The following KLF7 variants were observed in gnomAD, a reference collection of about 807,000 sequenced individuals.
KLF7 encodes KLF transcription factor 7, also known as Krueppel-like factor 7.
A neutral mutation model predicts 27.3 loss-of-function variants in KLF7; 2 were observed. The observed-to-expected ratio is 0.07, with a 90% confidence interval of 0.03 to 0.23. KLF7 has a LOEUF of 0.23. KLF7 is among the 10% of genes least tolerant of loss of function. The pLI, the probability that KLF7 is intolerant of heterozygous loss-of-function variation, is 1.00. For missense variants in KLF7, 221 were observed against 394.1 expected (o/e 0.56, Z 3.72); for synonymous variants, 165 against 162.4 (o/e 1.02, Z -0.12).
intron 1 of KLF7, among the ~76,000 whole-genome samples, chr2:207,158,801 A>C (rs2078460411): frequency 1.3e-5 from 2 of 152,314 alleles, no homozygotes; most frequent in South Asian, 4.1e-4. Flanking sequence ...GTAGTCTTAA[A>C]AGTAAAAAGG....
intron 2 of KLF7, among the ~76,000 whole-genome samples, chr2:207,104,195 T>C (rs1481102825): frequency 1.3e-5 from 2 of 152,206 alleles, no homozygotes; most frequent in Admixed American, 1.3e-4. Flanking sequence ...ATGGTGCATA[T>C]CTTACTACAT....
At chr2:207,106,957 T>G (rs555091797) in intron 2 of KLF7, among the ~76,000 whole-genome samples, 8 of 152,254 alleles carry the variant, frequency 5.3e-5, no homozygotes, top group African/African-American at 1.7e-4. Context: ...TGGTCACTTA[T>G]AAGCTGGGCA....
intron 2 of KLF7, among the ~76,000 whole-genome samples, chr2:207,122,563 A>G (rs942162171): frequency 1.3e-5 from 2 of 152,188 alleles, no homozygotes; most frequent in African/African-American, 4.8e-5. Context: ...GATGTGGAAA[A>G]TGAGGCCTGG....
intron 1 of KLF7, among the ~76,000 whole-genome samples, chr2:207,139,436 A>G (rs2077879067): frequency 6.6e-6 from 1 of 152,156 alleles, no homozygotes. Context: ...CTGTAACCAT[A>G]CTACCAAAAA....
At chr2:207,166,186 T>C (rs1284341742), upstream of KLF7, 4 of 985,842 alleles carry the variant, frequency 4.1e-6, no homozygotes, top group Non-Finnish European at 4.8e-6. Context: ...AGGCCGCGTG[T>C]GACCATGTAA....
upstream of KLF7, among the ~76,000 whole-genome samples, chr2:207,170,494 C>A (rs184331838): frequency 4.6e-5 from 7 of 152,234 alleles, no homozygotes; most frequent in African/African-American, 1.7e-4. Context: ...ATGCAGCCTT[C>A]CATTGAAAGA....
At chr2:207,123,633 T>C in intron 2 of KLF7, 141 bp downstream of exon 2, 1 of 850,666 alleles carries the variant, frequency 1.2e-6, no homozygotes, top group Non-Finnish European at 1.8e-6. Flanking sequence ...TCATTCTTTG[T>C]CCCTACCTGG....
chr2:207,170,575 T>C (rs2078778029), upstream of KLF7, among the ~76,000 whole-genome samples: 1 of 152,174 alleles, frequency 6.6e-6, no homozygotes. Context: ...AAAGGACAGG[T>C]TGATTCTCTT....
At chr2:207,151,461 G>C (rs1470794314) in intron 1 of KLF7, among the ~76,000 whole-genome samples, 1 of 152,048 alleles carries the variant, frequency 6.6e-6, no homozygotes, top group Non-Finnish European at 1.5e-5. Context: ...TGAAGTCCTA[G>C]TCTCTATAAA....
intron 2 of KLF7, chr2:207,120,776 C>CT (rs1183149088): frequency 6.6e-6 from 1 of 152,202 alleles, no homozygotes; most frequent in Non-Finnish European, 1.5e-5. Flanking sequence ...TGCCCTCGAG[C>CT]TTTTACCAGT....
At chr2:207,169,720 C>T (rs2078773167), upstream of KLF7, among the ~76,000 whole-genome samples, 1 of 152,118 alleles carries the variant, frequency 6.6e-6, no homozygotes, top group African/African-American at 2.4e-5. Flanking sequence ...GTAATCCTCA[C>T]AATAGTTCAA....
At chr2:207,092,589 T>C (rs1247398183) in intron 2 of KLF7, among the ~76,000 whole-genome samples, 1 of 152,206 alleles carries the variant, frequency 6.6e-6, no homozygotes, top group African/African-American at 2.4e-5. Context: ...GACTGACATT[T>C]AGAGAGGTTA....
chr2:207,092,690 G>A (rs531952270), intron 2 of KLF7, among the ~76,000 whole-genome samples: 2 of 152,074 alleles, frequency 1.3e-5, no homozygotes, highest in Non-Finnish European at 2.9e-5. Flanking sequence ...TTTCTTACAG[G>A]GTCACTCTCC....
At chr2:207,155,181 T>C (rs1364732909) in intron 1 of KLF7, among the ~76,000 whole-genome samples, 1 of 152,220 alleles carries the variant, frequency 6.6e-6, no homozygotes, top group Non-Finnish European at 1.5e-5. Flanking sequence ...AGAATACGCA[T>C]TTCATAGAGC....
chr2:207,134,133 A>G (rs1559150037), intron 1 of KLF7: 3 of 1,505,380 alleles, frequency 2.0e-6, no homozygotes, highest in African/African-American at 2.9e-5. Context: ...TCACTTGCAC[A>G]GGCTGACTCG....
At chr2:207,147,652 T>A (rs970026138) in intron 1 of KLF7, among the ~76,000 whole-genome samples, 2 of 152,082 alleles carry the variant, frequency 1.3e-5, no homozygotes, top group African/African-American at 4.8e-5. Flanking sequence ...CCATAAAGGT[T>A]TCACCCCTAT....
At chr2:207,091,076 GAATCAATCCCAA>G (rs2076500263) in intron 2 of KLF7, among the ~76,000 whole-genome samples, 1 of 152,056 alleles carries the variant, frequency 6.6e-6, no homozygotes, top group Admixed American at 6.6e-5. Context: ...CTAGTTCCCA[GAATCAATCCCAA>G]AATCGAACTG....
rs1396853634 is a variant in KLF7 at position 207,155,710 on chromosome 2, C to T, written c.102+9757G>A. ...TCGACTCAGGTCTGACCTTAAGCAG[C>T]ATCTCATCACTCTCAGGGGAATCAG... is the stretch of plus-strand genomic sequence containing the variant. On this transcript the variant is annotated intron_variant, in intron 1 of 3. Coordinates refer to ENST00000309446, the MANE Select transcript of KLF7 (RefSeq NM_003709.4). Among the ~76,000 whole-genome samples the T allele has an allele frequency of 2.0e-5, 3 of 152,170 alleles. No individual in the cohort carries two copies. The East Asian group carries it at 5.8e-4, about 29-fold the overall frequency.
At chr2:207,093,528 T>C (rs928663081) in intron 2 of KLF7, among the ~76,000 whole-genome samples, 1 of 152,242 alleles carries the variant, frequency 6.6e-6, no homozygotes, top group East Asian at 1.9e-4. Flanking sequence ...TCCTTCACTA[T>C]CCTCTGTAAA....
Sources: gnomAD v4.1 joint callset for allele counts (sites outside exome capture counted in the v4.1 genomes callset) on GRCh38, gnomAD v4.1.1 for gene constraint, MANE v1.5 for transcripts, NCBI Gene and HGNC (gene_info 2026-07-23, HGNC 2026-07-21) for gene names.